The following PLA2G6 variants were observed in gnomAD, a reference collection of about 807,000 sequenced individuals.
PLA2G6 encodes the protein 85/88 kDa calcium-independent phospholipase A2.
PLA2G6 carries 62 observed loss-of-function variants against 83.8 expected under a neutral mutation model. That is an observed-to-expected ratio of 0.74 (90% CI 0.60 to 0.91). The LOEUF is 0.91. Ranked by LOEUF, PLA2G6 falls within the 40% of genes least tolerant of loss-of-function variation. The pLI is 0.00. For missense variants in PLA2G6, 944 were observed against 1,102.0 expected (o/e 0.86, Z 2.03); for synonymous variants, 417 against 449.8 (o/e 0.93, Z 0.92).
At chr22:38,178,472 C>T (rs1056481941) in intron 1 of PLA2G6, among the ~76,000 whole-genome samples, 3 of 152,276 alleles carry the variant, frequency 2.0e-5, no homozygotes, top group Admixed American at 6.5e-5. Flanking sequence ...ACTAAGGTGG[C>T]TGAGGTGGGG....
At chr22:38,149,055 T>C (rs5756929) in intron 2 of PLA2G6, 44,460 of 153,634 alleles carry the variant, frequency 0.29, 7,248 homozygotes, top group South Asian at 0.43. Context: ...TTAGTAGAGA[T>C]GGGGTTTCAC....
chr22:38,175,597 C>T (rs1265829976), intron 1 of PLA2G6, among the ~76,000 whole-genome samples: 1 of 152,216 alleles, frequency 6.6e-6, no homozygotes, highest in East Asian at 1.9e-4. Flanking sequence ...TGAATGTGTG[C>T]TCCACAAAGG....
intron 11 of PLA2G6, among the ~76,000 whole-genome samples, chr22:38,121,349 C>A (rs1186470441): frequency 6.6e-6 from 1 of 152,212 alleles, no homozygotes; most frequent in Non-Finnish European, 1.5e-5. Flanking sequence ...GCACTCCAGC[C>A]TGGGCAACGG....
chr22:38,123,641 G>A lies in PLA2G6; in HGVS notation c.1428-383C>T, dbSNP rs905714886. Among the ~76,000 whole-genome samples, 1 of 152,066 alleles carries A rather than the reference G, an allele frequency of 6.6e-6. No individual in the cohort carries two copies. The highest frequency in any genetic ancestry group is 6.6e-5 in the Admixed American group (1 of 15,256). On this transcript the variant is annotated intron_variant, in intron 10 of 16. Transcript: ENST00000332509. The surrounding 1 kb of genome is among the most constrained non-coding windows in gnomAD (Gnocchi z 4.1). Reference sequence around the variant, plus strand: ...AATTAAATAAGGCTGGGGAAGGAGGGGCGGGGACCCTACAGCCAGGCCAGG... The same window carrying A: ...AATTAAATAAGGCTGGGGAAGGAGGAGCGGGGACCCTACAGCCAGGCCAGG...
At chr22:38,161,017 G>A (rs2089989200) in intron 2 of PLA2G6, among the ~76,000 whole-genome samples, 1 of 152,056 alleles carries the variant, frequency 6.6e-6, no homozygotes, top group Non-Finnish European at 1.5e-5. Context: ...CTCTATATGT[G>A]TTATATTTTG....
rs777242648 is a variant in PLA2G6, at chr22:38,143,301, G to T, written c.426-13C>A. 1.2e-6 allele frequency: 2 copies of T among 1,608,564 alleles called. No individual in the cohort carries two copies. Among genetic ancestry groups the T allele is most frequent in the Non-Finnish European group, 1.7e-6 (2 of 1,179,898 alleles). On this transcript the variant is annotated splice_polypyrimidine_tract_variant and intron_variant, in intron 3 of 16. Transcript: ENST00000332509. The stretch of plus-strand genomic sequence containing the variant: ...GCAATTGGCACAGCTGCAGGAGAGG[G>T]CCAGGGTGAGCAGAGGTGAGCAGGT...
At position 38,163,971 on chromosome 22, in the gene PLA2G6, G is replaced by C. The variant is rs190322085; in HGVS notation, c.209+5247C>G. ...TCAAAAGTCAGCTCCCGGTAGGGAAGCACAGATCACACACTTCTATCATCC... is the reference window on the plus strand; with the variant it reads ...TCAAAAGTCAGCTCCCGGTAGGGAACCACAGATCACACACTTCTATCATCC... On this transcript the variant is annotated intron_variant, in intron 2 of 16. Coordinates refer to ENST00000332509, the MANE Select transcript of PLA2G6 (RefSeq NM_003560.4). Among the ~76,000 whole-genome samples, 782 of 152,228 alleles carry C rather than the reference G, an allele frequency of 5.1e-3. 11 individuals are homozygous for C. The highest frequency in any genetic ancestry group is 4.0e-3 in the Non-Finnish European group (274 of 68,006).
At chr22:38,122,990 C>G in intron 11 of PLA2G6, 105 bp downstream of exon 11, 1 of 1,145,744 alleles carries the variant, frequency 8.7e-7, no homozygotes, top group Non-Finnish European at 1.3e-6. Context: ...TATAGCCCTC[C>G]TCTACTCCTC....
intron 12 of PLA2G6, among the ~76,000 whole-genome samples, chr22:38,117,991 G>A (rs9622728): frequency 0.33 from 49,216 of 149,306 alleles, 8,521 homozygotes; most frequent in South Asian, 0.43. Context: ...AGCCGAGATC[G>A]CGCCACTGCA....
intron 2 of PLA2G6, among the ~76,000 whole-genome samples, chr22:38,151,024 T>C (rs1435510345): frequency 6.6e-6 from 1 of 152,074 alleles, no homozygotes; most frequent in African/African-American, 2.4e-5. Context: ...GAGGCGGAGA[T>C]CGTGCCACTG....
chr22:38,126,407 G>A lies in PLA2G6; in HGVS notation c.1391C>T (p.Ala464Val), dbSNP rs376801641. The A allele has an allele frequency of 2.0e-5, 33 of 1,613,536 alleles. 1 individual carries two copies. Among genetic ancestry groups the A allele is most frequent in the Middle Eastern group, 1.7e-4 (1 of 6,054 alleles). ...LMHISRARKP[A>V]FILGSMRDEK... Reference sequence around the variant, plus strand: ...GTCCCTCATGGAGCCCAGGATGAACGCTGGCTTCCGGGCCCGTGAGATGTG... The same window carrying A: ...GTCCCTCATGGAGCCCAGGATGAACACTGGCTTCCGGGCCCGTGAGATGTG... Residue 464 changes from alanine to valine, a missense_variant, in exon 10 of 17, where the codon GCG becomes GTG. Coordinates refer to ENST00000332509, the MANE Select transcript of PLA2G6 (RefSeq NM_003560.4).
At chr22:38,133,120 G>T in intron 6 of PLA2G6, 107 bp from the exon 7 acceptor site, 2 of 1,109,260 alleles carry the variant, frequency 1.8e-6, no homozygotes, top group Non-Finnish European at 2.6e-6. Flanking sequence ...CAGGTACTGG[G>T]ATGTTGGAAA....
At chr22:38,172,119 C>T (rs1453484048) in intron 1 of PLA2G6, among the ~76,000 whole-genome samples, 1 of 152,206 alleles carries the variant, frequency 6.6e-6, no homozygotes, top group Non-Finnish European at 1.5e-5. Flanking sequence ...CCAAACACTC[C>T]TGTGCATCTT....
At chr22:38,141,008 CG>C (rs1308384319) in intron 4 of PLA2G6, 1 of 152,192 alleles carries the variant, frequency 6.6e-6, no homozygotes, top group Non-Finnish European at 1.5e-5. Flanking sequence ...CTGGCGAACA[CG>C]GTGAAACCCT....
chr22:38,134,950 GC>G (rs904396923), intron 6 of PLA2G6, 37 bp downstream of exon 6: 7 of 1,341,110 alleles, frequency 5.2e-6, no homozygotes, highest in East Asian at 2.3e-5. Flanking sequence ...GCGGGGCCCG[GC>G]CCCCTGCCCC....
intron 2 of PLA2G6, among the ~76,000 whole-genome samples, chr22:38,157,888 T>C (rs2089850318): frequency 6.6e-6 from 1 of 151,588 alleles, no homozygotes; most frequent in South Asian, 2.1e-4. Context: ...TATAAAAAAC[T>C]AGCTGGGTGT....
At chr22:38,112,661 G>A in intron 15 of PLA2G6, 84 bp from the exon 16 acceptor site, 1 of 1,200,576 alleles carries the variant, frequency 8.3e-7, no homozygotes, top group Non-Finnish European at 1.2e-6. Context: ...CACTCTCGGA[G>A]CCCCAGCCTG....
intron 1 of PLA2G6, among the ~76,000 whole-genome samples, 175 bp from the exon 2 acceptor site, chr22:38,169,646 G>A (rs1439297133): frequency 6.6e-6 from 1 of 152,222 alleles, no homozygotes; most frequent in African/African-American, 2.4e-5. Context: ...CACTGAGTGG[G>A]AGGTAAAAGT....
chr22:38,116,626 A>G (rs1328881726), intron 12 of PLA2G6, among the ~76,000 whole-genome samples: 1 of 152,200 alleles, frequency 6.6e-6, no homozygotes, highest in African/African-American at 2.4e-5. Flanking sequence ...AGGCCGAGGC[A>G]GGTGGATCAC....
Sources: allele counts gnomAD v4.1 joint callset (sites outside exome capture counted in the v4.1 genomes callset), GRCh38; gene constraint gnomAD v4.1.1; non-coding constraint Gnocchi (gnomAD v3.1); transcripts MANE v1.5; gene names NCBI Gene and HGNC (gene_info 2026-07-23, HGNC 2026-07-21).